The following RGS6 variants were observed in gnomAD, a reference collection of about 807,000 sequenced individuals.
RGS6 encodes the protein regulator of G-protein signaling 6.
RGS6 carries 30 observed loss-of-function variants against 78.5 expected under a neutral mutation model. The observed-to-expected ratio is 0.38, with a 90% CI of 0.29 to 0.52. The LOEUF (loss-of-function observed/expected upper bound fraction) is 0.52. Ranked by LOEUF, RGS6 falls within the 20% of genes least tolerant of loss-of-function variation. RGS6 has a pLI of 0.85. For missense variants in RGS6, 495 were observed against 609.7 expected, an observed-to-expected ratio of 0.81 and a Z score of 1.98; for synonymous variants, 206 against 206.0, an observed-to-expected ratio of 1.00 and a Z score of 0.00.
At chr14:72,050,474 A>G (rs2093162564) in intron 2 of RGS6, among the ~76,000 whole-genome samples, 1 of 152,248 alleles carries the variant, frequency 6.6e-6, no homozygotes, top group South Asian at 2.1e-4. Flanking sequence ...TTGAGGTGGA[A>G]TGGAGTACAA....
chr14:72,432,916 AAG>A (rs1476796182), intron 3 of RGS6, among the ~76,000 whole-genome samples: 11 of 152,326 alleles, frequency 7.2e-5, no homozygotes, highest in African/African-American at 2.6e-4. Context: ...ACACTGTGGA[AAG>A]AGAGTGTCAC....
At chr14:72,217,986 T>C (rs1406430041) in intron 2 of RGS6, among the ~76,000 whole-genome samples, 1 of 152,164 alleles carries the variant, frequency 6.6e-6, no homozygotes, top group Non-Finnish European at 1.5e-5. Flanking sequence ...TAGGGCTAAA[T>C]ACTGGCACAG....
intron 2 of RGS6, among the ~76,000 whole-genome samples, chr14:72,178,667 A>G (rs1281685098): frequency 6.6e-6 from 1 of 152,178 alleles, no homozygotes; most frequent in Non-Finnish European, 1.5e-5. Flanking sequence ...GGTTTTGCCA[A>G]AAGCCCTACT....
chr14:72,394,700 T>A (rs977308439), intron 3 of RGS6, among the ~76,000 whole-genome samples: 2 of 152,198 alleles, frequency 1.3e-5, no homozygotes, highest in African/African-American at 2.4e-5. Context: ...GGTGCCCAGA[T>A]TTCCTATTGT....
intron 11 of RGS6, chr14:72,477,046 G>A (rs968212282): frequency 2.3e-4 from 122 of 541,738 alleles, no homozygotes; most frequent in Non-Finnish European, 4.0e-5. Context: ...AGTTCCTCCA[G>A]CAGTTACTAG....
chr14:72,171,098 CCTTTT>C (rs1283775371), intron 2 of RGS6, among the ~76,000 whole-genome samples: 1 of 152,032 alleles, frequency 6.6e-6, no homozygotes, highest in Non-Finnish European at 1.5e-5. Context: ...TAAGCCTTAC[CCTTTT>C]CTTTAATTAC....
At chr14:72,404,854 C>T (rs978141734) in intron 3 of RGS6, among the ~76,000 whole-genome samples, 1 of 152,108 alleles carries the variant, frequency 6.6e-6, no homozygotes, top group African/African-American at 2.4e-5. Flanking sequence ...TAGGTGGTGG[C>T]ACCCACTGTA....
chr14:72,561,772 G>T (rs1305367805), intron 17 of RGS6, among the ~76,000 whole-genome samples: 2 of 152,194 alleles, frequency 1.3e-5, no homozygotes, highest in Non-Finnish European at 2.9e-5. Flanking sequence ...GCCTCTGGGT[G>T]CCACAGATGG....
intron 17 of RGS6, chr14:72,541,492 C>CGGGT (rs1567089263): frequency 2.6e-6 from 4 of 1,535,696 alleles, no homozygotes; most frequent in Non-Finnish European, 3.5e-6. Flanking sequence ...ACAAGGCCTG[C>CGGGT]GGGTGCCTGG....
intron 3 of RGS6, among the ~76,000 whole-genome samples, chr14:72,385,673 G>A (rs958753096): frequency 1.3e-5 from 2 of 152,168 alleles, no homozygotes; most frequent in Non-Finnish European, 2.9e-5. Context: ...TAGCAACAGA[G>A]CCAGGACATT....
At chr14:72,523,775 G>A (rs1484728041) in intron 15 of RGS6, among the ~76,000 whole-genome samples, 1 of 152,152 alleles carries the variant, frequency 6.6e-6, no homozygotes, top group Admixed American at 6.5e-5. Context: ...TGTTTGCTGT[G>A]TTGTTCCAAT....
intron 3 of RGS6, among the ~76,000 whole-genome samples, chr14:72,451,582 T>C (rs567634737): frequency 2.0e-5 from 3 of 152,128 alleles, no homozygotes; most frequent in Non-Finnish European, 4.4e-5. Context: ...ATGATGACAG[T>C]AATTAACAGG....
chr14:72,115,634 A>G (rs1039800789), intron 2 of RGS6, among the ~76,000 whole-genome samples: 1 of 152,074 alleles, frequency 6.6e-6, no homozygotes, highest in Non-Finnish European at 1.5e-5. Context: ...ATAACCCACA[A>G]AAGCCTCAAC....
At chr14:72,584,171 CA>C in the RGS6 span, among the ~76,000 whole-genome samples, 1 of 152,008 alleles carries the variant, frequency 6.6e-6, no homozygotes, top group Admixed American at 6.6e-5. Context: ...CTGGGGTGTT[CA>C]ATTTAATAAA....
At chr14:71,985,344 G>A (rs376155954) in intron 2 of RGS6, among the ~76,000 whole-genome samples, 3 of 152,116 alleles carry the variant, frequency 2.0e-5, no homozygotes, top group Admixed American at 2.0e-4. Context: ...GAATGGTCTC[G>A]ATCTCTTGAC....
chr14:72,547,703 G>A (rs886278524), intron 17 of RGS6, among the ~76,000 whole-genome samples: 3 of 147,512 alleles, frequency 2.0e-5, no homozygotes, highest in African/African-American at 5.1e-5. Flanking sequence ...AAGGTGAGAC[G>A]GGGTTGGAAG....
chr14:72,229,954 C>T (rs1459216735), intron 2 of RGS6, among the ~76,000 whole-genome samples: 1 of 152,188 alleles, frequency 6.6e-6, no homozygotes, highest in African/African-American at 2.4e-5. Context: ...TGTTTGGCCT[C>T]ATTTACATCC....
At chr14:72,501,089 G>C (rs79701077) in intron 13 of RGS6, among the ~76,000 whole-genome samples, 3,533 of 152,160 alleles carry the variant, frequency 0.023, 147 homozygotes, top group African/African-American at 0.08. Flanking sequence ...AGGAATTCCT[G>C]CCAATCTCAG....
At chr14:72,443,809 T>C (rs1178485997) in intron 3 of RGS6, among the ~76,000 whole-genome samples, 4 of 152,152 alleles carry the variant, frequency 2.6e-5, no homozygotes, top group Non-Finnish European at 5.9e-5. Context: ...ATCACTTCTC[T>C]CCCAAAGCTG....
Sources: gnomAD v4.1 joint callset for allele counts (sites outside exome capture counted in the v4.1 genomes callset) on GRCh38, gnomAD v4.1.1 for gene constraint, MANE v1.5 for transcripts, NCBI Gene and HGNC (gene_info 2026-07-23, HGNC 2026-07-21) for gene names.